Variants in SGPP2 observed in about 807,000 individuals in gnomAD.
The protein encoded by SGPP2 is sphingosine 1-phosphate phosphohydrolase 2.
A neutral mutation model predicts 33.9 loss-of-function variants in SGPP2; 30 were observed. The observed-to-expected ratio is 0.89, with a 90% confidence interval of 0.66 to 1.20. SGPP2 has a LOEUF of 1.20. SGPP2 is among the 50% of genes most tolerant of loss of function. The pLI is 0.00. For synonymous variants in SGPP2, 233 were observed against 225.0 expected, an observed-to-expected ratio of 1.04 and a Z score of -0.32; for missense variants, 458 against 532.1, an observed-to-expected ratio of 0.86 and a Z score of 1.37.
Position 222,558,638 on chromosome 2 carries a change from C to A in SGPP2, c.940C>A (p.Pro314Thr). The A allele has an allele frequency of 6.2e-7, 1 of 1,614,116 alleles. No homozygotes were observed. Among genetic ancestry groups the A allele is most frequent in the Non-Finnish European group, 8.5e-7 (1 of 1,180,028 alleles). ...AESLPVIQNI[P>T]PLTTYMLVLG... ...ATCTCTCCCTGTTATTCAGAACATCCCACCACTCACCACCTACATGTTAGT... is the reference window on the plus strand; with the variant it reads ...ATCTCTCCCTGTTATTCAGAACATCACACCACTCACCACCTACATGTTAGT... The change falls in exon 5 of 5, where the codon CCA becomes ACA. Residue 314 changes from proline (P) to threonine (T), a missense_variant. Physicochemically the swap from Pro to Thr is conservative, Grantham distance 38. Coordinates refer to ENST00000321276, the MANE Select transcript of SGPP2 (RefSeq NM_152386.4).
In SGPP2 at chr2:222,515,382, G is replaced by A. The variant is rs201851160; in HGVS notation, c.379-6385G>A. On this transcript the variant is annotated intron_variant, in intron 2 of 4. Coordinates refer to ENST00000321276, the MANE Select transcript of SGPP2 (RefSeq NM_152386.4). ...CTCGCTCTGTCACCCAGGCTGGAGCGCAGTGGCATGATCTTGGCTCATTGC... is the reference window on the plus strand; with the variant it reads ...CTCGCTCTGTCACCCAGGCTGGAGCACAGTGGCATGATCTTGGCTCATTGC... Among the ~76,000 whole-genome samples, 13 of 152,168 alleles carry A rather than the reference G, an allele frequency of 8.5e-5. No homozygotes were observed. In the East Asian group the frequency reaches 1.9e-3, roughly 23 times the overall value.
At chr2:222,470,458 G>C (rs1697821413) in intron 1 of SGPP2, among the ~76,000 whole-genome samples, 1 of 152,054 alleles carries the variant, frequency 6.6e-6, no homozygotes, top group African/African-American at 2.4e-5. Flanking sequence ...CTTCACCTTT[G>C]GTTATTCTGT....
At chr2:222,551,454 A>T (rs1346167228) in intron 4 of SGPP2, among the ~76,000 whole-genome samples, 4 of 152,242 alleles carry the variant, frequency 2.6e-5, no homozygotes, top group African/African-American at 9.6e-5. Context: ...AGCTTAAAAA[A>T]AAACTAACAT....
chr2:222,521,099 A>G (rs1249099798), intron 2 of SGPP2, among the ~76,000 whole-genome samples: 1 of 152,150 alleles, frequency 6.6e-6, no homozygotes, highest in Non-Finnish European at 1.5e-5. Flanking sequence ...CATGCCATTT[A>G]TTTGACTGAT....
At chr2:222,467,259 C>T (rs925860682) in intron 1 of SGPP2, among the ~76,000 whole-genome samples, 7 of 151,522 alleles carry the variant, frequency 4.6e-5, no homozygotes, top group Non-Finnish European at 8.9e-5. Context: ...CCAGGTCATT[C>T]GGATGCATAT....
At chr2:222,493,237 G>A (rs964947474) in intron 2 of SGPP2, among the ~76,000 whole-genome samples, 7 of 152,210 alleles carry the variant, frequency 4.6e-5, no homozygotes, top group Admixed American at 4.6e-4. Flanking sequence ...GACCCACACA[G>A]TTCTGCATGG....
chr2:222,453,837 G>A (rs1697530128), intron 1 of SGPP2, among the ~76,000 whole-genome samples: 1 of 152,144 alleles, frequency 6.6e-6, no homozygotes, highest in South Asian at 2.1e-4. Context: ...ACAGGGGTCA[G>A]CACCCCTAAC....
chr2:222,484,961 T>C (rs1698082768), intron 2 of SGPP2, among the ~76,000 whole-genome samples: 1 of 152,214 alleles, frequency 6.6e-6, no homozygotes. Flanking sequence ...TCTTGAATTG[T>C]TATGGTTCTC....
chr2:222,556,591 T>TCTCACTCCTCCCCCATCCCCC (rs1689407734), intron 4 of SGPP2, among the ~76,000 whole-genome samples: 1 of 25,912 alleles, frequency 3.9e-5, no homozygotes, highest in African/African-American at 1.4e-4. Context: ...GCCCATCCAC[T>TCTCACTCCTCCCCCATCCCCC]CTCACTCCTC....
chr2:222,517,744 C>T (rs1387813927), intron 2 of SGPP2, among the ~76,000 whole-genome samples: 1 of 152,184 alleles, frequency 6.6e-6, no homozygotes, highest in African/African-American at 2.4e-5. Flanking sequence ...GCCCAGGCTC[C>T]CTGCACCCTG....
At chr2:222,542,732 T>A (rs558938359) in intron 4 of SGPP2, among the ~76,000 whole-genome samples, 4 of 152,310 alleles carry the variant, frequency 2.6e-5, no homozygotes, top group South Asian at 2.1e-4. Context: ...CTATTTTTTT[T>A]ATTGGATTGC....
intron 1 of SGPP2, among the ~76,000 whole-genome samples, chr2:222,437,811 A>G (rs1398317263): frequency 3.3e-5 from 5 of 152,186 alleles, no homozygotes; most frequent in African/African-American, 1.2e-4. Flanking sequence ...CTGTCTCTCA[A>G]AAGGAGAGTA....
At chr2:222,528,897 A>T (rs1323138756) in intron 4 of SGPP2, among the ~76,000 whole-genome samples, 1 of 152,310 alleles carries the variant, frequency 6.6e-6, no homozygotes, top group East Asian at 1.9e-4. Context: ...GATTACAGGC[A>T]TGAGCCAGCG....
At chr2:222,526,891 G>A (rs1698766353) in intron 4 of SGPP2, among the ~76,000 whole-genome samples, 2 of 152,176 alleles carry the variant, frequency 1.3e-5, no homozygotes, top group African/African-American at 4.8e-5. Flanking sequence ...GAGGAACTTA[G>A]AGGATGGTCA....
intron 2 of SGPP2, among the ~76,000 whole-genome samples, chr2:222,501,873 T>A (rs1424077637): frequency 6.6e-6 from 1 of 152,196 alleles, no homozygotes; most frequent in Non-Finnish European, 1.5e-5. Context: ...GGGTTGGGGT[T>A]TTTTATGATG....
At chr2:222,458,837 T>C (rs1697612524) in intron 1 of SGPP2, among the ~76,000 whole-genome samples, 1 of 152,230 alleles carries the variant, frequency 6.6e-6, no homozygotes, top group Non-Finnish European at 1.5e-5. Flanking sequence ...ACTTTGTCTC[T>C]CTAGTTTGCC....
In SGPP2 at chr2:222,461,086, C is replaced by T. The variant is rs146488918; in HGVS notation, c.220-13482C>T. ...TCGAATCTTTTTACCGTCTTTCTCT[C>T]CTCTGTGTTCTACTCCAACTGGACT... On this transcript the variant is annotated intron_variant, in intron 1 of 4. Transcript: ENST00000321276. 7.9e-5 allele frequency among the ~76,000 whole-genome samples: 12 copies of T among 152,286 alleles called. No homozygotes were observed. In the East Asian group the frequency reaches 2.3e-3, roughly 29 times the overall value.
intron 4 of SGPP2, among the ~76,000 whole-genome samples, chr2:222,552,802 G>T (rs1559177536): frequency 6.6e-6 from 1 of 152,158 alleles, no homozygotes; most frequent in Non-Finnish European, 1.5e-5. Flanking sequence ...AGAGGTTGTG[G>T]TGAGCTAAGA....
intron 1 of SGPP2, among the ~76,000 whole-genome samples, chr2:222,443,709 A>G (rs1036499007): frequency 2.6e-5 from 4 of 152,086 alleles, no homozygotes; most frequent in Admixed American, 6.5e-5. Context: ...GTTGTGTGCT[A>G]CAGGGATCTT....
Sources: gnomAD v4.1 joint callset for allele counts (sites outside exome capture counted in the v4.1 genomes callset) on GRCh38, gnomAD v4.1.1 for gene constraint, MANE v1.5 for transcripts, NCBI Gene and HGNC (gene_info 2026-07-23, HGNC 2026-07-21) for gene names.